The following PDS5A variants were observed in gnomAD, a reference collection of about 807,000 sequenced individuals.
PDS5A encodes the protein PDS5 cohesin associated factor A, also known as sister chromatid cohesion protein PDS5 homolog A.
In PDS5A, 42 loss-of-function variants were observed where a neutral mutation model predicts 167.1. The observed-to-expected ratio is 0.25, with a 90% CI of 0.20 to 0.33. PDS5A has a LOEUF of 0.33. Ranked by LOEUF, PDS5A falls within the 10% of genes least tolerant of loss-of-function variation. The pLI is 1.00. For missense variants in PDS5A, 1,033 were observed against 1,605.9 expected, an observed-to-expected ratio of 0.64 and a Z score of 6.10; for synonymous variants, 553 against 554.6, an observed-to-expected ratio of 1.00 and a Z score of 0.04.
At chr4:39,893,236 T>C (rs1209639575) in intron 16 of PDS5A, among the ~76,000 whole-genome samples, 3 of 152,154 alleles carry the variant, frequency 2.0e-5, no homozygotes, top group Admixed American at 2.0e-4. Context: ...AGGGTCAAGG[T>C]GTAGAAACCT....
intron 32 of PDS5A, among the ~76,000 whole-genome samples, chr4:39,830,483 G>A (rs1382602769): frequency 1.3e-5 from 2 of 152,122 alleles, no homozygotes; most frequent in Admixed American, 1.3e-4. Context: ...GGAGTGCACT[G>A]GCAAGATCTT....
Position 39,954,160 on chromosome 4 carries a change from G to A in PDS5A, c.138+22280C>T, listed in dbSNP as rs1368094169. On this transcript the variant is annotated intron_variant, in intron 2 of 32. Transcript: ENST00000303538. ...GTTTGACAGCATCCTGGACAACATA[G>A]TGAGGCTCTATCTCTACGGAGAAAA... Among the ~76,000 whole-genome samples, 3 of 151,386 alleles carry A rather than the reference G, an allele frequency of 2.0e-5. No individual in the cohort carries two copies. The East Asian group carries it at 5.9e-4, about 30-fold the overall frequency.
chr4:39,886,667 C>A (rs996842018), intron 17 of PDS5A, among the ~76,000 whole-genome samples: 1 of 151,488 alleles, frequency 6.6e-6, no homozygotes, highest in Non-Finnish European at 1.5e-5. Flanking sequence ...GAGCCAAGAT[C>A]GCGCCATTGC....
At chr4:39,968,458 G>A (rs1318319389) in intron 2 of PDS5A, among the ~76,000 whole-genome samples, 1 of 147,030 alleles carries the variant, frequency 6.8e-6, no homozygotes, top group Admixed American at 6.9e-5. Flanking sequence ...TTGAGACAGA[G>A]TTTCACTGTT....
chr4:39,968,598 A>T (rs189892065), intron 2 of PDS5A, among the ~76,000 whole-genome samples: 8 of 151,188 alleles, frequency 5.3e-5, no homozygotes, highest in Admixed American at 2.6e-4. Flanking sequence ...ACACCCGGCT[A>T]ATTTTATATT....
At chr4:39,940,786 G>A (rs1252743738) in intron 2 of PDS5A, among the ~76,000 whole-genome samples, 1 of 152,238 alleles carries the variant, frequency 6.6e-6, no homozygotes, top group Admixed American at 6.5e-5. Context: ...CTGAGAAGCT[G>A]AGTCTACAGG....
At chr4:39,908,283 ATTAAT>A in intron 11 of PDS5A, 107 bp downstream of exon 11, 6 of 827,906 alleles carry the variant, frequency 7.2e-6, no homozygotes, top group East Asian at 2.4e-5. Flanking sequence ...TATCATTGTT[ATTAAT>A]TTGATTTTCA....
chr4:39,848,561 C>T (rs1717846790), intron 28 of PDS5A: 1 of 323,112 alleles, frequency 3.1e-6, no homozygotes, highest in East Asian at 8.5e-5. Context: ...TTCTTATCTG[C>T]AAAAATACTA....
At chr4:39,969,060 C>A (rs1406381333) in intron 2 of PDS5A, among the ~76,000 whole-genome samples, 1 of 152,226 alleles carries the variant, frequency 6.6e-6, no homozygotes, top group Admixed American at 6.5e-5. Context: ...CAGGCGTAAG[C>A]CACCGTGCCA....
rs376726864 is a variant in PDS5A, at chr4:39,836,689, C to A, written c.4010+1167G>T. Among the ~76,000 whole-genome samples the A allele has an allele frequency of 7.5e-4, 111 of 147,650 alleles. No individual in the cohort carries two copies. In the South Asian group the frequency reaches 0.012, roughly 16 times the overall value. On this transcript the variant is annotated intron_variant, in intron 32 of 32. Coordinates refer to ENST00000303538, the MANE Select transcript of PDS5A (RefSeq NM_001100399.2). ...ATGTTGGCCACGTTGGTCTCAAACT[C>A]CTGACCTCACGTGATCTACCCGCCG...
chr4:39,908,278 T>C (rs1473992488), intron 11 of PDS5A, 117 bp downstream of exon 11: 6 of 806,584 alleles, frequency 7.4e-6, no homozygotes, highest in Admixed American at 2.2e-5. Context: ...CTCTTTATCA[T>C]TGTTATTAAT....
chr4:39,826,396 T>C (rs1715315986), intron 32 of PDS5A, among the ~76,000 whole-genome samples: 1 of 152,138 alleles, frequency 6.6e-6, no homozygotes, highest in Non-Finnish European at 1.5e-5. Flanking sequence ...CCCTGAGAAG[T>C]GCATTCTGGT....
At chr4:39,861,202 T>C (rs1718962465) in intron 26 of PDS5A, among the ~76,000 whole-genome samples, 1 of 152,036 alleles carries the variant, frequency 6.6e-6, no homozygotes, top group Admixed American at 6.6e-5. Context: ...GGCTCACGTC[T>C]GTAATCCCAG....
intron 2 of PDS5A, among the ~76,000 whole-genome samples, chr4:39,955,443 A>C (rs954286794): frequency 1.3e-5 from 2 of 151,864 alleles, no homozygotes; most frequent in African/African-American, 4.8e-5. Context: ...CTCTACCAAA[A>C]ATACAAAAAA....
At chr4:39,898,299 C>T in intron 16 of PDS5A, 90 bp downstream of exon 16, 2 of 1,401,960 alleles carry the variant, frequency 1.4e-6, no homozygotes, top group Non-Finnish European at 1.9e-6. Context: ...GTTACATTTA[C>T]ACAAATCACT....
At chr4:39,883,011 C>G (rs894763167) in intron 17 of PDS5A, among the ~76,000 whole-genome samples, 4 of 152,116 alleles carry the variant, frequency 2.6e-5, no homozygotes, top group Non-Finnish European at 5.9e-5. Context: ...GAAAACTCTT[C>G]TAATTTTCCA....
At chr4:39,973,452 C>T (rs866691215) in intron 2 of PDS5A, 1 of 1,357,960 alleles carries the variant, frequency 7.4e-7, no homozygotes, top group South Asian at 1.2e-5. Flanking sequence ...CCAGCAGATA[C>T]CAGGGTGTTA....
In PDS5A at chr4:39,895,002, CG is replaced by C. The variant is rs756731362; in HGVS notation, c.1770+3386del. 8.6e-5 allele frequency among the ~76,000 whole-genome samples: 13 copies of C among 151,746 alleles called. 1 individual carries two copies. The highest frequency in any genetic ancestry group is 7.7e-4 in the East Asian group (4 of 5,178). On this transcript the variant is annotated intron_variant, in intron 16 of 32. Coordinates refer to ENST00000303538, the MANE Select transcript of PDS5A (RefSeq NM_001100399.2). ...CAGCACTTTGGGAGGCCGAGGCGGGCGGATCACGAGGTCAGGAGATCGAGAT... is the reference window on the plus strand; with the variant it reads ...CAGCACTTTGGGAGGCCGAGGCGGGCGATCACGAGGTCAGGAGATCGAGAT...
intron 2 of PDS5A, among the ~76,000 whole-genome samples, chr4:39,936,591 C>T (rs1362223603): frequency 6.6e-6 from 1 of 151,778 alleles, no homozygotes; most frequent in Non-Finnish European, 1.5e-5. Context: ...CCACATCTGG[C>T]TAATTTTTTT....
Sources: allele counts gnomAD v4.1 joint callset (sites outside exome capture counted in the v4.1 genomes callset), GRCh38; gene constraint gnomAD v4.1.1; transcripts MANE v1.5; gene names NCBI Gene and HGNC (gene_info 2026-07-23, HGNC 2026-07-21).